Variants in GRIK3 observed in about 807,000 individuals in gnomAD.
The protein encoded by GRIK3 is glutamate receptor ionotropic, kainate 3.
GRIK3 carries 29 observed loss-of-function variants against 102.5 expected under a neutral mutation model. The ratio of observed to expected loss-of-function variants is 0.28; its 90% CI spans 0.21 to 0.39. The LOEUF is 0.39. Among genes scored for constraint, GRIK3 ranks in the 10% least tolerant of loss-of-function variants. The pLI, the probability that GRIK3 is intolerant of heterozygous loss-of-function variation, is 1.00. For synonymous variants in GRIK3, 511 were observed against 504.9 expected (o/e 1.01, Z -0.16); for missense variants, 908 against 1,252.4 (o/e 0.73, Z 4.15).
intron 1 of GRIK3, among the ~76,000 whole-genome samples, chr1:36,957,877 T>C (rs1251192223): frequency 1.0e-5 from 1 of 100,166 alleles, no homozygotes; most frequent in African/African-American, 4.9e-5. Context: ...CCCGTGACTC[T>C]GTGCCCCTGA....
At chr1:36,986,123 C>T (rs1183374293) in intron 1 of GRIK3, among the ~76,000 whole-genome samples, 1 of 152,166 alleles carries the variant, frequency 6.6e-6, no homozygotes, top group East Asian at 1.9e-4. Context: ...CCCCGGGACC[C>T]AGACTCTCTA....
chr1:36,938,472 G>A (rs1641684267), intron 1 of GRIK3, among the ~76,000 whole-genome samples: 1 of 152,192 alleles, frequency 6.6e-6, no homozygotes, highest in Non-Finnish European at 1.5e-5. Context: ...GTGTCAGTCA[G>A]AAATGCCGTG....
intron 1 of GRIK3, among the ~76,000 whole-genome samples, chr1:36,982,364 C>T (rs1017558905): frequency 2.0e-5 from 3 of 152,116 alleles, no homozygotes; most frequent in Non-Finnish European, 4.4e-5. Flanking sequence ...CCCTGCTTGG[C>T]GCACCATCCA....
intron 6 of GRIK3, among the ~76,000 whole-genome samples, chr1:36,859,477 C>A (rs934991013): frequency 6.6e-6 from 1 of 152,086 alleles, no homozygotes; most frequent in Non-Finnish European, 1.5e-5. Flanking sequence ...GCAGCTTAGA[C>A]CTTCTCCTGC....
chr1:36,898,374 C>T (rs1015176143), intron 1 of GRIK3, among the ~76,000 whole-genome samples: 5 of 151,858 alleles, frequency 3.3e-5, no homozygotes, highest in Non-Finnish European at 5.9e-5. Flanking sequence ...TGCCTGTATG[C>T]CTTACAAGAA....
chr1:36,962,062 G>A (rs1372559737), intron 1 of GRIK3, among the ~76,000 whole-genome samples: 1 of 152,184 alleles, frequency 6.6e-6, no homozygotes, highest in Non-Finnish European at 1.5e-5. Flanking sequence ...AAGGAAGGGA[G>A]GCTCACAGAA....
intron 1 of GRIK3, among the ~76,000 whole-genome samples, chr1:37,012,254 C>G (rs1231344315): frequency 6.6e-6 from 1 of 152,166 alleles, no homozygotes; most frequent in African/African-American, 2.4e-5. Flanking sequence ...TAAAAAATAA[C>G]CATGTGTTGG....
intron 2 of GRIK3, among the ~76,000 whole-genome samples, chr1:36,883,550 A>G (rs1484231960): frequency 5.9e-5 from 9 of 152,206 alleles, no homozygotes; most frequent in African/African-American, 1.9e-4. Context: ...AGGCCCACGC[A>G]TGTCCTAGAA....
intron 5 of GRIK3, among the ~76,000 whole-genome samples, chr1:36,865,491 C>T (rs1557707225): frequency 6.6e-6 from 1 of 152,116 alleles, no homozygotes; most frequent in Non-Finnish European, 1.5e-5. Context: ...GCAACAGGGC[C>T]GGAAGTGGAT....
intron 1 of GRIK3, among the ~76,000 whole-genome samples, chr1:36,931,513 C>A (rs567516846): frequency 6.6e-6 from 1 of 152,338 alleles, no homozygotes; most frequent in Non-Finnish European, 1.5e-5. Context: ...TGTTTGTTGT[C>A]TATATCCCCT....
intron 10 of GRIK3, among the ~76,000 whole-genome samples, chr1:36,841,378 G>A (rs1640447304): frequency 6.6e-6 from 1 of 152,232 alleles, no homozygotes; most frequent in East Asian, 1.9e-4. Context: ...TTGCCCCATA[G>A]CTGGGGCATC....
chr1:36,819,891 C>A lies in GRIK3; in HGVS notation c.1755-37G>T, dbSNP rs1249697892. The A allele has an allele frequency of 9.1e-7, 1 of 1,104,458 alleles. No homozygotes were observed. Among genetic ancestry groups the A allele is most frequent in the Non-Finnish European group, 1.4e-6 (1 of 731,792 alleles). The allele number at this position is 1,104,458 out of a possible 1,614,324, so 68.4% of individuals were successfully genotyped here. A position where few individuals can be genotyped will look rare whatever the true frequency, so the allele number is the denominator to read the frequency against. On this transcript the variant is annotated intron_variant, in intron 11 of 15. Transcript: ENST00000373091. The surrounding 1 kb of genome is among the most constrained non-coding windows in gnomAD (Gnocchi z 4.1). Reference sequence around the variant, plus strand: ...GGAGAGGGACAGTCAGCCTGGGAAGCAAGGGGCATCCACGCCCCAGCAGGC... The same window carrying A: ...GGAGAGGGACAGTCAGCCTGGGAAGAAAGGGGCATCCACGCCCCAGCAGGC...
At chr1:36,913,772 A>G (rs865799265) in intron 1 of GRIK3, among the ~76,000 whole-genome samples, 2 of 152,048 alleles carry the variant, frequency 1.3e-5, no homozygotes, top group Non-Finnish European at 2.9e-5. Flanking sequence ...TCCCAGAGGC[A>G]TGACTCTAAG....
At chr1:36,886,842 A>G (rs1400214667) in intron 2 of GRIK3, among the ~76,000 whole-genome samples, 2 of 152,198 alleles carry the variant, frequency 1.3e-5, no homozygotes, top group Non-Finnish European at 2.9e-5. Context: ...CTCACTGCAC[A>G]CTACTCCCTC....
At chr1:36,951,200 G>T (rs531759259) in intron 1 of GRIK3, among the ~76,000 whole-genome samples, 1 of 152,226 alleles carries the variant, frequency 6.6e-6, no homozygotes, top group African/African-American at 2.4e-5. Context: ...TCCTCTGAGG[G>T]TCAGGACATG....
chr1:36,977,456 T>C lies in GRIK3; in HGVS notation c.115+56538A>G, dbSNP rs150916903. 5.8e-3 allele frequency among the ~76,000 whole-genome samples: 889 copies of C among 152,360 alleles called. 10 individuals carry two copies. Among genetic ancestry groups the C allele is most frequent in the African/African-American group, 0.021 (854 of 41,586 alleles). On this transcript the variant is annotated intron_variant, in intron 1 of 15. Transcript: ENST00000373091. ...AGCTGAGAAGCAGAGCTGATGTATG[T>C]AAAAACAGCAGCTTGAGCTTGGCAG...
intron 1 of GRIK3, among the ~76,000 whole-genome samples, chr1:36,942,707 C>G: frequency 6.6e-6 from 1 of 151,648 alleles, no homozygotes; most frequent in South Asian, 2.1e-4. Context: ...AAGTCAGGGG[C>G]CAAAACCCAC....
intron 1 of GRIK3, among the ~76,000 whole-genome samples, chr1:37,001,083 G>C (rs1642471229): frequency 6.6e-6 from 1 of 152,184 alleles, no homozygotes; most frequent in Non-Finnish European, 1.5e-5. Context: ...AGATTCCTGG[G>C]ATTATCAACC....
chr1:36,998,298 G>A (rs1042220344), intron 1 of GRIK3, among the ~76,000 whole-genome samples: 58 of 152,146 alleles, frequency 3.8e-4, no homozygotes, highest in African/African-American at 1.3e-3. Context: ...GGTTAAAATA[G>A]GAATCTTCCC....
Sources: gnomAD v4.1 joint callset for allele counts (sites outside exome capture counted in the v4.1 genomes callset) on GRCh38, gnomAD v4.1.1 for gene constraint, Gnocchi (gnomAD v3.1) non-coding constraint, MANE v1.5 for transcripts, NCBI Gene and HGNC (gene_info 2026-07-23, HGNC 2026-07-21) for gene names.